The following GRID1 variants were observed in gnomAD, a reference collection of about 807,000 sequenced individuals.
GRID1 encodes the protein glutamate receptor ionotropic, delta-1.
In GRID1, 28 loss-of-function variants were observed where a neutral mutation model predicts 98.0. The ratio of observed to expected loss-of-function variants is 0.29; its 90% CI spans 0.21 to 0.39. GRID1 has a LOEUF of 0.39. Ranked by LOEUF, GRID1 falls within the 10% of genes least tolerant of loss-of-function variation. The probability of loss-of-function intolerance (pLI) is 1.00; values close to 1 mark genes in which losing one functional copy is unlikely to be tolerated. For missense variants in GRID1, 1,111 were observed against 1,340.5 expected (o/e 0.83, Z 2.67); for synonymous variants, 553 against 538.5 (o/e 1.03, Z -0.37).
chr10:86,232,393 CTT>C (rs1354115585), intron 2 of GRID1, among the ~76,000 whole-genome samples: 3 of 152,176 alleles, frequency 2.0e-5, no homozygotes, highest in Non-Finnish European at 4.4e-5. Context: ...TGGGGACAGA[CTT>C]GATGCAAAGA....
rs529698596 is a variant in GRID1 at position 85,748,696 on chromosome 10, C to T, written c.1234-19082G>A. Among the ~76,000 whole-genome samples, 104 of 152,228 alleles carry T rather than the reference C, an allele frequency of 6.8e-4. 1 individual carries two copies. The highest frequency in any genetic ancestry group is 1.3e-3 in the Non-Finnish European group (86 of 68,012). ...TCAATCTTCATCAATGCTCTAATCGCTTTGAAATTTATATTTCTATATCAG... is the reference window on the plus strand; with the variant it reads ...TCAATCTTCATCAATGCTCTAATCGTTTTGAAATTTATATTTCTATATCAG... On this transcript the variant is annotated intron_variant, in intron 8 of 15. Transcript: ENST00000327946.
chr10:86,065,849 ACTCAAGATCC>A (rs1843712712), intron 4 of GRID1, among the ~76,000 whole-genome samples: 1 of 152,164 alleles, frequency 6.6e-6, no homozygotes, highest in Non-Finnish European at 1.5e-5. Context: ...TCTGTTAATC[ACTCAAGATCC>A]TTCTAGATGT....
At chr10:86,344,356 A>T (rs535091469) in intron 2 of GRID1, among the ~76,000 whole-genome samples, 1 of 152,364 alleles carries the variant, frequency 6.6e-6, no homozygotes, top group South Asian at 2.1e-4. Context: ...TCGCACAGCC[A>T]ATAAGAGGCA....
chr10:85,815,434 T>C (rs943523623), intron 8 of GRID1, among the ~76,000 whole-genome samples: 1 of 151,766 alleles, frequency 6.6e-6, no homozygotes, highest in Non-Finnish European at 1.5e-5. Context: ...GAAATATAGA[T>C]TGGAAAGAAA....
chr10:85,720,479 C>T (rs1202738149), intron 12 of GRID1, among the ~76,000 whole-genome samples: 1 of 152,008 alleles, frequency 6.6e-6, no homozygotes, highest in African/African-American at 2.4e-5. Flanking sequence ...GGGACAATCA[C>T]ATATAACAAT....
intron 3 of GRID1, among the ~76,000 whole-genome samples, chr10:86,154,933 G>A (rs1282029542): frequency 6.6e-6 from 1 of 152,154 alleles, no homozygotes; most frequent in East Asian, 1.9e-4. Context: ...AACCCCAGGA[G>A]GGCAGGTCTA....
intron 8 of GRID1, among the ~76,000 whole-genome samples, chr10:85,743,106 C>CCCCT (rs1554828611): frequency 3.0e-5 from 1 of 33,412 alleles, no homozygotes; most frequent in Admixed American, 4.2e-4. Flanking sequence ...AATTATGCAG[C>CCCCT]CCCCCCCCCC....
At chr10:86,232,441 G>A (rs1011691183) in intron 2 of GRID1, among the ~76,000 whole-genome samples, 30 of 152,334 alleles carry the variant, frequency 2.0e-4, no homozygotes, top group African/African-American at 6.7e-4. Context: ...ACTGCACTGT[G>A]TCAGGTACAG....
chr10:86,161,211 G>C (rs1464544318), intron 3 of GRID1, among the ~76,000 whole-genome samples: 1 of 152,196 alleles, frequency 6.6e-6, no homozygotes. Flanking sequence ...GACAGCATGA[G>C]AAAATAAGCT....
At chr10:86,197,076 T>C (rs754156806) in intron 3 of GRID1, among the ~76,000 whole-genome samples, 8 of 151,924 alleles carry the variant, frequency 5.3e-5, no homozygotes, top group Non-Finnish European at 1.0e-4. Flanking sequence ...ATGGAACTAG[T>C]TGGGGAAAGA....
chr10:86,206,388 C>T lies in GRID1; in HGVS notation c.496G>A (p.Val166Ile), dbSNP rs202162769. ...CCATACTCGCTGTCGTAGAACATGA[C>T]GAACTTCTGCCAGCGCAGCTCCGTC... ...LVTELRWQKF[V>I]MFYDSEYDIR... The change falls in exon 3 of 16, where the codon GTC (valine) becomes ATC (isoleucine). Residue 166 changes from valine to isoleucine, a missense_variant. Around this residue, in one of 3 missense-constraint regions of GRID1, gnomAD observed 346 missense variants for 452.3 expected, o/e 0.76. Transcript: ENST00000327946. This position sits in a 1 kb window ranked among gnomAD's most constrained non-coding sequence, Gnocchi z 4.1. 903 of 1,606,488 alleles carry T rather than the reference C, an allele frequency of 5.6e-4. No homozygotes were observed. The highest frequency in any genetic ancestry group is 9.9e-4 in the Admixed American group (59 of 59,880).
At chr10:85,636,926 A>G (rs1843051208) in intron 13 of GRID1, among the ~76,000 whole-genome samples, 1 of 152,202 alleles carries the variant, frequency 6.6e-6, no homozygotes, top group Non-Finnish European at 1.5e-5. Flanking sequence ...ACTGAAAAAC[A>G]TTAGGCATAA....
chr10:85,851,053 G>A lies in GRID1; in HGVS notation c.1233+3443C>T, dbSNP rs537348763. ...CAGATCTGTCAGAGCTCAATCATGA[G>A]CTAAGGACATTTACATGGACACGTT... On this transcript the variant is annotated intron_variant, in intron 8 of 15. Coordinates refer to ENST00000327946, the MANE Select transcript of GRID1 (RefSeq NM_017551.3). 3.3e-5 allele frequency among the ~76,000 whole-genome samples: 5 copies of A among 152,308 alleles called. No homozygotes were observed. In the East Asian group the frequency reaches 5.8e-4, roughly 18 times the overall value.
intron 6 of GRID1, among the ~76,000 whole-genome samples, chr10:85,865,915 A>ATATTTT (rs1367023503): frequency 2.6e-5 from 1 of 39,120 alleles, no homozygotes; most frequent in African/African-American, 6.5e-5. Flanking sequence ...ATATATACAT[A>ATATTTT]TATATATATA....
intron 2 of GRID1, among the ~76,000 whole-genome samples, chr10:86,312,736 C>T (rs560257675): frequency 2.0e-5 from 3 of 152,222 alleles, no homozygotes; most frequent in Admixed American, 2.0e-4. Context: ...AGGGCTGTGA[C>T]CTGCACCACC....
At chr10:85,703,245 T>C (rs1841473622) in intron 12 of GRID1, among the ~76,000 whole-genome samples, 1 of 152,106 alleles carries the variant, frequency 6.6e-6, no homozygotes, top group African/African-American at 2.4e-5. Flanking sequence ...ATCATACTAC[T>C]TATTATATTG....
chr10:85,647,161 C>T, intron 13 of GRID1, 41 bp downstream of exon 13: 2 of 1,544,656 alleles, frequency 1.3e-6, no homozygotes, highest in African/African-American at 1.4e-5. Context: ...ACCCCGTGGC[C>T]CTGTTACAGT....
intron 5 of GRID1, among the ~76,000 whole-genome samples, chr10:85,912,847 A>T (rs1418750880): frequency 6.6e-6 from 1 of 152,354 alleles, no homozygotes; most frequent in East Asian, 1.9e-4. Context: ...TGATTATATA[A>T]GACAAACAGG....
intron 3 of GRID1, among the ~76,000 whole-genome samples, chr10:86,169,222 T>A (rs1382414400): frequency 6.6e-6 from 1 of 152,172 alleles, no homozygotes; most frequent in Non-Finnish European, 1.5e-5. Context: ...GATAGATAGG[T>A]GCCTTCCGGC....
Sources: gnomAD v4.1 joint callset for allele counts (sites outside exome capture counted in the v4.1 genomes callset) on GRCh38, gnomAD v4.1.1 for gene constraint, gnomAD v4.1.1 regional missense constraint, Gnocchi (gnomAD v3.1) non-coding constraint, MANE v1.5 for transcripts, NCBI Gene and HGNC (gene_info 2026-07-23, HGNC 2026-07-21) for gene names.